Variants in ASPM observed in about 807,000 individuals in gnomAD.
ASPM encodes the protein abnormal spindle-like microcephaly-associated protein.
ASPM carries 256 observed loss-of-function variants against 366.4 expected under a neutral mutation model. The ratio of observed to expected loss-of-function variants is 0.70; its 90% CI spans 0.63 to 0.77. The LOEUF (loss-of-function observed/expected upper bound fraction) is 0.77. Among genes scored for constraint, ASPM ranks in the 30% least tolerant of loss-of-function variants. The pLI, the probability that ASPM is intolerant of heterozygous loss-of-function variation, is 0.00. For missense variants in ASPM, 4,146 were observed against 4,090.4 expected, an observed-to-expected ratio of 1.01 and a Z score of -0.37; for synonymous variants, 1,414 against 1,342.9, an observed-to-expected ratio of 1.05 and a Z score of -1.16.
intron 10 of ASPM, among the ~76,000 whole-genome samples, 172 bp downstream of exon 10, chr1:197,128,318 C>A (rs1004125193): frequency 3.6e-5 from 5 of 140,472 alleles, no homozygotes; most frequent in African/African-American, 1.0e-4. Context: ...GGTTTCTGGA[C>A]ATAACATTGA....
rs778557556 is a variant in ASPM, at chr1:197,144,061, G to C, written c.337C>G (p.Leu113Val). ...KIVISVNWTP[L>V]KEGRVREIMT... ...ATCTCTCTTACTCGGCCTTCTTTGAGTGGTGTCCAGTTAACAGAAATAACA... is the reference window on the plus strand; with the variant it reads ...ATCTCTCTTACTCGGCCTTCTTTGACTGGTGTCCAGTTAACAGAAATAACA... Residue 113 changes from leucine (L) to valine (V), a missense_variant, in exon 2 of 28, where the codon CTC becomes GTC. By Grantham distance (32) the Leu-to-Val change is conservative. Around this residue, in one of 3 missense-constraint regions of ASPM, gnomAD observed 512 missense variants for 471.7 expected, o/e 1.09. Transcript: ENST00000367409. 6.2e-6 allele frequency: 10 copies of C among 1,608,568 alleles called. No homozygotes were observed. In the East Asian group the frequency reaches 2.0e-4, roughly 32 times the overall value.
chr1:197,097,277 C>G (rs1472289346), intron 18 of ASPM, among the ~76,000 whole-genome samples: 1 of 151,720 alleles, frequency 6.6e-6, no homozygotes, highest in Non-Finnish European at 1.5e-5. Context: ...TAATGCATCT[C>G]TTACTTGAAT....
intron 10 of ASPM, among the ~76,000 whole-genome samples, chr1:197,127,801 T>C (rs1658134226): frequency 6.6e-6 from 1 of 152,206 alleles, no homozygotes; most frequent in African/African-American, 2.4e-5. Context: ...TTTCCTCATA[T>C]GTAAAACAAG....
intron 17 of ASPM, among the ~76,000 whole-genome samples, chr1:197,116,784 A>T (rs1657750279): frequency 6.6e-6 from 1 of 152,172 alleles, no homozygotes; most frequent in African/African-American, 2.4e-5. Context: ...AATCTCAAAA[A>T]ATGTAATAAT....
intron 23 of ASPM, 81 bp downstream of exon 23, chr1:197,090,769 C>G (rs937993437): frequency 3.8e-6 from 5 of 1,326,026 alleles, no homozygotes; most frequent in Non-Finnish European, 5.4e-6. Flanking sequence ...AAAATGGTAA[C>G]TATGTTTTTA....
intron 16 of ASPM, among the ~76,000 whole-genome samples, chr1:197,119,683 T>G (rs576261744): frequency 6.6e-6 from 1 of 152,288 alleles, no homozygotes; most frequent in Admixed American, 6.5e-5. Flanking sequence ...CTTATTTCTT[T>G]TATCTTGCCT....
chr1:197,105,077 G>A lies in ASPM; in HGVS notation c.4174C>T (p.Arg1392Ter), dbSNP rs762353508. The change falls in exon 18 of 28, where the codon CGA becomes TGA. Residue 1392 changes from arginine (R) to a stop codon, truncating the protein, a stop_gained. Transcript: ENST00000367409. LOFTEE classifies it high-confidence loss of function. Reference protein sequence around the residue: ...RMIIAVTSYKRYLWATVTIQR... With the variant: ...RMIIAVTSYK ...ATTGTAACTGTAGCCCAAAGATATC[G>A]TTTATAAGATGTAACAGCAATTATC... The A allele has an allele frequency of 3.0e-5, 48 of 1,609,968 alleles. No homozygotes were observed. Among genetic ancestry groups the A allele is most frequent in the Admixed American group, 1.3e-4 (8 of 59,744 alleles).
At position 197,133,497 on chromosome 1, in the gene ASPM, CA is replaced by C; in HGVS notation, c.2271del (p.Ala758LeufsTer5). ...CGTAGTCTGTTTAACCTACACCGAG[CA>C]GTATAAGCTCTGAGAGACATTTCCT... is the stretch of plus-strand genomic sequence containing the variant. ...TKEEMSLRAY[T>X]ARCRLNRLRR... On this transcript the variant is annotated frameshift_variant, in exon 6 of 28. Transcript: ENST00000367409. LOFTEE classifies it high-confidence loss of function. The C allele has an allele frequency of 6.2e-7, 1 of 1,614,068 alleles. No individual in the cohort carries two copies. The highest frequency in any genetic ancestry group is 1.1e-5 in the South Asian group (1 of 91,076).
In ASPM at chr1:197,102,457, G is replaced by A. The variant is rs1212058396; in HGVS notation, c.6794C>T (p.Ala2265Val). Reference sequence around the variant, plus strand: ...AAATCTCCTCTGAATGAGAGTTGCGGCTATATGCATCATTTTTAAATGTCT... The same window carrying A: ...AAATCTCCTCTGAATGAGAGTTGCGACTATATGCATCATTTTTAAATGTCT... The part of the protein sequence containing the change: ...ARRHLKMMHI[A>V]ATLIQRRFRT... The change falls in exon 18 of 28, where the codon GCC becomes GTC. Residue 2265 changes from alanine (A) to valine (V), a missense_variant. By Grantham distance (64) the Ala-to-Val change is moderately conservative. Coordinates refer to ENST00000367409, the MANE Select transcript of ASPM (RefSeq NM_018136.5). 6.2e-7 allele frequency: 1 copy of A among 1,612,372 alleles called. No individual in the cohort carries two copies. Among genetic ancestry groups the A allele is most frequent in the Admixed American group, 1.7e-5 (1 of 59,740 alleles).
intron 18 of ASPM, among the ~76,000 whole-genome samples, chr1:197,099,582 T>G (rs1032613354): frequency 6.6e-6 from 1 of 151,736 alleles, no homozygotes; most frequent in African/African-American, 2.4e-5. Flanking sequence ...ACTTCTCATG[T>G]TGTATTATAA....
chr1:197,102,745 G>A lies in ASPM; in HGVS notation c.6506C>T (p.Ala2169Val). Residue 2169 changes from alanine to valine, a missense_variant, in exon 18 of 28, where the codon GCT becomes GTT. Physicochemically the swap from Ala to Val is moderately conservative, Grantham distance 64 (BLOSUM62 0). Around this residue, in one of 3 missense-constraint regions of ASPM, gnomAD observed 3,624 missense variants for 3,591.7 expected, o/e 1.01. Transcript: ENST00000367409. ...QREKYLTILK[A>V]VKVLQASFRG... ...AAAACTTGCCTGAAGGACTTTAACAGCTTTCAAAATTGTCAGGTACTTTTC... is the reference window on the plus strand; with the variant it reads ...AAAACTTGCCTGAAGGACTTTAACAACTTTCAAAATTGTCAGGTACTTTTC... The A allele has an allele frequency of 6.2e-7, 1 of 1,612,620 alleles. No homozygotes were observed. The highest frequency in any genetic ancestry group is 8.5e-7 in the Non-Finnish European group (1 of 1,179,266).
Position 197,124,111 on chromosome 1 carries a change from T to A in ASPM, c.3389A>T (p.Lys1130Met). The A allele has an allele frequency of 6.2e-7, 1 of 1,605,830 alleles. No individual in the cohort carries two copies. Among genetic ancestry groups the A allele is most frequent in the Non-Finnish European group, 8.5e-7 (1 of 1,173,776 alleles). The part of the protein sequence containing the change: ...VNAVCAFYNK[K>M]VENFTVSFSD... ...AAAACAAAAAACAAAGAAACTTACC[T>A]TTTTATTATAGAAGGCACAAACAGC... Residue 1130 changes from lysine to methionine, a missense_variant and splice_region_variant, in exon 13 of 28, where the codon AAG (lysine) becomes ATG (methionine). By Grantham distance (95) the Lys-to-Met change is moderately conservative. Coordinates refer to ENST00000367409, the MANE Select transcript of ASPM (RefSeq NM_018136.5).
At chr1:197,133,778 AGTCT>A in intron 5 of ASPM, among the ~76,000 whole-genome samples, 183 bp from the exon 6 acceptor site, 1 of 152,158 alleles carries the variant, frequency 6.6e-6, no homozygotes, top group East Asian at 1.9e-4. Flanking sequence ...ATGTATTCCA[AGTCT>A]AGCCACTTTT....
intron 17 of ASPM, among the ~76,000 whole-genome samples, chr1:197,111,534 T>C (rs996092279): frequency 6.6e-5 from 10 of 152,156 alleles, no homozygotes; most frequent in African/African-American, 2.4e-4. Flanking sequence ...TTCAAAGAAC[T>C]TAAAACAGAA....
chr1:197,100,868 G>A lies in ASPM; in HGVS notation c.8383C>T (p.Gln2795Ter), dbSNP rs776299348. The A allele has an allele frequency of 1.2e-6, 2 of 1,612,470 alleles. No homozygotes were observed. The highest frequency in any genetic ancestry group is 2.7e-5 in the African/African-American group (2 of 74,762). Residue 2795 changes from glutamine to a stop codon, truncating the protein, a stop_gained, in exon 18 of 28, where the codon CAA (glutamine) becomes TAA (stop). Transcript: ENST00000367409. LOFTEE classifies it high-confidence loss of function. Reference protein sequence around the residue: ...EAVQSEGVMIQEWYKASGLAC... With the variant: ...EAVQSEGVMI ...AGGCCAGAAGCTTTATACCACTCTT[G>A]AATCATAACACCTTCACTTTGAACA...
chr1:197,130,090 G>A (rs1394191038), intron 7 of ASPM, 34 bp from the exon 8 acceptor site: 5 of 1,604,034 alleles, frequency 3.1e-6, no homozygotes, highest in Non-Finnish European at 4.3e-6. Context: ...TCAGAATTAT[G>A]CTATCTCTAA....
intron 16 of ASPM, among the ~76,000 whole-genome samples, chr1:197,121,700 G>T (rs1657908431): frequency 6.6e-6 from 1 of 152,094 alleles, no homozygotes; most frequent in Admixed American, 6.6e-5. Flanking sequence ...CTAGGTGAAG[G>T]GGTGGACAGA....
rs1167415585 is a variant in ASPM, at chr1:197,146,192, G to C, written c.246C>G (p.Phe82Leu). ...EEVAEVKISH[F>L]PAADLGFSVS... Reference sequence around the variant, plus strand: ...CACTGAAGCCCAGGTCCGCGGCCGGGAAGTGGGAGATCTTCACTTCTGCCA... The same window carrying C: ...CACTGAAGCCCAGGTCCGCGGCCGGCAAGTGGGAGATCTTCACTTCTGCCA... Residue 82 changes from phenylalanine to leucine, a missense_variant, in exon 1 of 28, where the codon TTC (phenylalanine) becomes TTG (leucine). Physicochemically the swap from Phe to Leu is conservative, Grantham distance 22. Coordinates refer to ENST00000367409, the MANE Select transcript of ASPM (RefSeq NM_018136.5). 6.2e-7 allele frequency: 1 copy of C among 1,614,146 alleles called. No homozygotes were observed.
At chr1:197,125,225 A>G in intron 10 of ASPM, 34 bp from the exon 11 acceptor site, 2 of 1,609,840 alleles carry the variant, frequency 1.2e-6, no homozygotes, top group Non-Finnish European at 1.7e-6. Flanking sequence ...TGAAATTATC[A>G]TAAAAACGTA....
Sources: allele counts gnomAD v4.1 joint callset (sites outside exome capture counted in the v4.1 genomes callset), GRCh38; gene constraint gnomAD v4.1.1; regional missense constraint gnomAD v4.1.1; transcripts MANE v1.5; gene names NCBI Gene and HGNC (gene_info 2026-07-23, HGNC 2026-07-21).